COL21A1: variants seen among roughly 807,000 people sequenced by gnomAD.
COL21A1 encodes collagen type XXI alpha 1 chain, also known as collagen alpha-1(XXI) chain.
COL21A1 carries 149 observed loss-of-function variants against 137.9 expected under a neutral mutation model. That is an observed-to-expected ratio of 1.08 (90% CI 0.95 to 1.24). COL21A1 has a LOEUF of 1.24. COL21A1 is among the 50% of genes most tolerant of loss of function. The pLI, the probability that COL21A1 is intolerant of heterozygous loss-of-function variation, is 0.00. For missense variants in COL21A1, 1,167 were observed against 1,158.4 expected (o/e 1.01, Z -0.11); for synonymous variants, 456 against 391.5 (o/e 1.16, Z -1.95).
At position 56,301,989 on chromosome 6, in the gene COL21A1, T is replaced by A. The variant is rs538932966; in HGVS notation, c.-39+91982A>T. On this transcript the variant is annotated intron_variant, in intron 1 of 28. Transcript: ENST00000370819. ...TGAGAACATGCGGTGTTTGGTTTTT[T>A]GTCCTTGTGATAGTTTGCTGAGAAT... Among the ~76,000 whole-genome samples, 7 of 152,294 alleles carry A rather than the reference T, an allele frequency of 4.6e-5. No homozygotes were observed. The East Asian group carries it at 1.4e-3, about 29-fold the overall frequency.
chr6:56,062,192 G>A (rs1201537047), intron 24 of COL21A1, among the ~76,000 whole-genome samples: 1 of 152,098 alleles, frequency 6.6e-6, no homozygotes, highest in Non-Finnish European at 1.5e-5. Context: ...CAGCTGTCCT[G>A]TGCTTAAACC....
intron 12 of COL21A1, among the ~76,000 whole-genome samples, chr6:56,137,030 C>T (rs1443859686): frequency 6.6e-6 from 1 of 151,964 alleles, no homozygotes; most frequent in Non-Finnish European, 1.5e-5. Context: ...ACTACTCTGG[C>T]CAAAGCAGAA....
chr6:56,137,168 T>A (rs577662314), intron 12 of COL21A1, among the ~76,000 whole-genome samples: 1 of 152,304 alleles, frequency 6.6e-6, no homozygotes, highest in African/African-American at 2.4e-5. Context: ...AAAATGAGGA[T>A]AATTTACTTC....
chr6:56,250,978 A>G (rs1210224263), upstream of COL21A1, among the ~76,000 whole-genome samples: 1 of 152,178 alleles, frequency 6.6e-6, no homozygotes, highest in Non-Finnish European at 1.5e-5. Context: ...AATTTACAAT[A>G]TTGTTTCTTC....
intron 1 of COL21A1, among the ~76,000 whole-genome samples, chr6:56,233,708 A>G (rs1781727513): frequency 6.6e-6 from 1 of 151,340 alleles, no homozygotes; most frequent in South Asian, 2.1e-4. Flanking sequence ...CTTCAAACTG[A>G]AAAAGCATTA....
At chr6:56,256,472 GA>G (rs934151792) in intron 1 of COL21A1, among the ~76,000 whole-genome samples, 11 of 151,128 alleles carry the variant, frequency 7.3e-5, no homozygotes, top group South Asian at 2.1e-4. Flanking sequence ...CCCATGGACA[GA>G]AAAAAAAATT....
chr6:56,138,189 A>G (rs1561907099), intron 12 of COL21A1, among the ~76,000 whole-genome samples: 1 of 152,068 alleles, frequency 6.6e-6, no homozygotes, highest in Admixed American at 6.6e-5. Flanking sequence ...AAGTTTCTCC[A>G]GATTCAGAGG....
chr6:56,098,724 T>G (rs1301466167), intron 17 of COL21A1, among the ~76,000 whole-genome samples: 2 of 114,238 alleles, frequency 1.8e-5, no homozygotes, highest in Non-Finnish European at 3.4e-5. Flanking sequence ...TATAAATATA[T>G]ATATATTTTG....
chr6:56,353,443 G>C (rs1425651863), intron 1 of COL21A1, among the ~76,000 whole-genome samples: 1 of 152,062 alleles, frequency 6.6e-6, no homozygotes, highest in Non-Finnish European at 1.5e-5. Flanking sequence ...GAAGCTTCCA[G>C]AAGCTTCTGT....
chr6:56,171,905 A>C (rs961763082), intron 3 of COL21A1, among the ~76,000 whole-genome samples: 1 of 152,006 alleles, frequency 6.6e-6, no homozygotes, highest in Non-Finnish European at 1.5e-5. Flanking sequence ...TTAATAGCAG[A>C]CTTTAACAAG....
At chr6:56,082,716 A>G (rs1767896648) in intron 17 of COL21A1, among the ~76,000 whole-genome samples, 1 of 151,864 alleles carries the variant, frequency 6.6e-6, no homozygotes, top group African/African-American at 2.4e-5. Flanking sequence ...TTAAAGCACC[A>G]TTAACCATCC....
intron 1 of COL21A1, among the ~76,000 whole-genome samples, chr6:56,332,956 T>C (rs1199472476): frequency 2.0e-5 from 3 of 152,094 alleles, no homozygotes; most frequent in Non-Finnish European, 4.4e-5. Flanking sequence ...TTTTACCAAC[T>C]TGTCATTTTT....
chr6:56,088,402 G>T (rs977018113), intron 17 of COL21A1, among the ~76,000 whole-genome samples: 1 of 152,102 alleles, frequency 6.6e-6, no homozygotes, highest in Non-Finnish European at 1.5e-5. Context: ...TCATATTTGT[G>T]TCTATTAGTA....
chr6:56,097,903 A>ATC, intron 17 of COL21A1, among the ~76,000 whole-genome samples: 1 of 83,908 alleles, frequency 1.2e-5, no homozygotes, highest in African/African-American at 5.0e-5. Context: ...AAATATATAA[A>ATC]TATATAAATA....
At chr6:56,303,047 T>C (rs982365077) in intron 1 of COL21A1, among the ~76,000 whole-genome samples, 1 of 152,104 alleles carries the variant, frequency 6.6e-6, no homozygotes, top group South Asian at 2.1e-4. Context: ...TGTAGATACG[T>C]GGCATTATTT....
intron 1 of COL21A1, among the ~76,000 whole-genome samples, chr6:56,393,579 T>C (rs2094034225): frequency 2.0e-5 from 3 of 152,182 alleles, no homozygotes; most frequent in African/African-American, 4.8e-5. Context: ...GTGGAATTGT[T>C]AGCATGCGTC....
intron 3 of COL21A1, among the ~76,000 whole-genome samples, chr6:56,176,122 AC>A (rs922356119): frequency 6.6e-6 from 1 of 152,118 alleles, no homozygotes; most frequent in African/African-American, 2.4e-5. Flanking sequence ...TACACAAAAA[AC>A]AACTCAAAAT....
intron 1 of COL21A1, among the ~76,000 whole-genome samples, chr6:56,242,531 G>A (rs1336515459): frequency 1.3e-5 from 2 of 152,222 alleles, no homozygotes; most frequent in Admixed American, 1.3e-4. Flanking sequence ...AACAAGACAA[G>A]TCCAAACAAA....
intron 24 of COL21A1, among the ~76,000 whole-genome samples, chr6:56,063,257 G>A (rs1765964294): frequency 6.6e-6 from 1 of 152,162 alleles, no homozygotes; most frequent in Non-Finnish European, 1.5e-5. Flanking sequence ...ATAAGCCAGT[G>A]AGCTAGCTAA....
Sources: allele counts gnomAD v4.1 joint callset (sites outside exome capture counted in the v4.1 genomes callset), GRCh38; gene constraint gnomAD v4.1.1; transcripts MANE v1.5; gene names NCBI Gene and HGNC (gene_info 2026-07-23, HGNC 2026-07-21).